Variants in KIAA1328 observed in about 807,000 individuals in gnomAD.
KIAA1328 encodes the protein protein hinderin.
KIAA1328 carries 52 observed loss-of-function variants against 68.1 expected under a neutral mutation model. The observed-to-expected ratio is 0.76, with a 90% confidence interval of 0.61 to 0.96. The LOEUF is 0.96. Among genes scored for constraint, KIAA1328 ranks in the 40% least tolerant of loss-of-function variants. The probability of loss-of-function intolerance (pLI) is 0.00; values close to 1 mark genes in which losing one functional copy is unlikely to be tolerated. For missense variants in KIAA1328, 641 were observed against 677.6 expected, an observed-to-expected ratio of 0.95 and a Z score of 0.60; for synonymous variants, 232 against 239.4, an observed-to-expected ratio of 0.97 and a Z score of 0.28.
chr18:37,223,749 T>A lies in KIAA1328; in HGVS notation c.*1522T>A, dbSNP rs1488030215. ...AAAGCCTTGTTGAGCAGCCTCCTTATCCAGATAGATCCAAAGCTCATGTCT... is the reference window on the plus strand; with the variant it reads ...AAAGCCTTGTTGAGCAGCCTCCTTAACCAGATAGATCCAAAGCTCATGTCT... On this transcript the variant is annotated 3_prime_UTR_variant, in exon 10 of 10. Transcript: ENST00000280020. 2.0e-5 allele frequency: 20 copies of A among 985,288 alleles called. No homozygotes were observed. The highest frequency in any genetic ancestry group is 2.2e-5 in the Non-Finnish European group (18 of 829,934). The allele number at this position is 985,288 out of a possible 1,614,324, so 61.0% of individuals were successfully genotyped here. A position where few individuals can be genotyped will look rare whatever the true frequency, so the allele number is the denominator to read the frequency against.
downstream of KIAA1328, chr18:37,229,443 C>A: frequency 1.7e-6 from 1 of 594,398 alleles, no homozygotes; most frequent in Non-Finnish European, 2.5e-6. Flanking sequence ...TTTTTTGCAC[C>A]AATAATGAAA....
intron 4 of KIAA1328, among the ~76,000 whole-genome samples, chr18:36,872,063 A>G (rs1251137034): frequency 2.6e-5 from 4 of 152,168 alleles, no homozygotes; most frequent in African/African-American, 7.2e-5. Flanking sequence ...CTTCTCCTCT[A>G]TCTTCCCTGT....
chr18:37,174,586 TTTTATTTTA>T (rs2059564674), intron 9 of KIAA1328, among the ~76,000 whole-genome samples: 2 of 149,204 alleles, frequency 1.3e-5, no homozygotes, highest in South Asian at 2.1e-4. Flanking sequence ...TTTATTTTTA[TTTTATTTTA>T]TTTTATTTTA....
At chr18:36,845,529 A>G (rs1053688010) in intron 4 of KIAA1328, among the ~76,000 whole-genome samples, 12 of 151,792 alleles carry the variant, frequency 7.9e-5, no homozygotes, top group African/African-American at 2.4e-4. Flanking sequence ...TACCTGAAAT[A>G]TTAGAGCATT....
chr18:37,096,172 A>T (rs545502297), intron 7 of KIAA1328, among the ~76,000 whole-genome samples: 10 of 152,056 alleles, frequency 6.6e-5, no homozygotes, highest in African/African-American at 2.4e-4. Context: ...GGTGTGCTGC[A>T]CCCATTAACT....
chr18:37,053,031 C>T (rs1401477968), intron 6 of KIAA1328, among the ~76,000 whole-genome samples: 1 of 152,076 alleles, frequency 6.6e-6, no homozygotes, highest in Non-Finnish European at 1.5e-5. Flanking sequence ...GTGCAAATAG[C>T]CAAAGCAGTC....
In KIAA1328 at chr18:37,056,900, C is replaced by T. The variant is rs201055761; in HGVS notation, c.577-9990C>T. ...TTAAGTGATCCACCCACCTTGGCCT[C>T]CCAAAGTACTGGGATTACAGGCATG... is the stretch of plus-strand genomic sequence containing the variant. On this transcript the variant is annotated intron_variant, in intron 6 of 9. Coordinates refer to ENST00000280020, the MANE Select transcript of KIAA1328 (RefSeq NM_020776.3). Among the ~76,000 whole-genome samples the T allele has an allele frequency of 2.6e-5, 4 of 152,160 alleles. No homozygotes were observed. In the East Asian group the frequency reaches 7.7e-4, roughly 29 times the overall value.
At chr18:37,202,151 C>A (rs2154219459) in intron 9 of KIAA1328, among the ~76,000 whole-genome samples, 1 of 150,796 alleles carries the variant, frequency 6.6e-6, no homozygotes, top group African/African-American at 2.5e-5. Flanking sequence ...TTTTTTTTAA[C>A]AAAAGCATAC....
chr18:36,985,638 A>G (rs1309514901), intron 6 of KIAA1328, among the ~76,000 whole-genome samples: 3 of 152,220 alleles, frequency 2.0e-5, no homozygotes, highest in Admixed American at 1.3e-4. Flanking sequence ...CCTTATGGAT[A>G]TGTCACAATT....
chr18:36,833,353 C>T (rs1486691157), intron 1 of KIAA1328: 1 of 152,012 alleles, frequency 6.6e-6, no homozygotes, highest in Non-Finnish European at 1.5e-5. Flanking sequence ...AAAGAGCTTC[C>T]TGGGTAGAAG....
chr18:36,829,247 G>A (rs756229842), intron 1 of KIAA1328, 51 bp downstream of exon 1: 1 of 1,469,774 alleles, frequency 6.8e-7, no homozygotes, highest in Non-Finnish European at 9.0e-7. Flanking sequence ...ACGGGACGGC[G>A]AGGGGCGAGC....
intron 7 of KIAA1328, among the ~76,000 whole-genome samples, chr18:37,138,819 AC>A (rs2058700822): frequency 6.6e-6 from 1 of 152,140 alleles, no homozygotes; most frequent in Admixed American, 6.5e-5. Context: ...TGAATACAGA[AC>A]CGACACATAG....
rs553763587 is a variant in KIAA1328, at chr18:36,975,209, G to A, written c.576+15774G>A. On this transcript the variant is annotated intron_variant, in intron 6 of 9. Coordinates refer to ENST00000280020, the MANE Select transcript of KIAA1328 (RefSeq NM_020776.3). The stretch of plus-strand genomic sequence containing the variant: ...TTTTTTTTTTTTTTTTTGAGACGGA[G>A]TCTCGCTCTGTCGCCCAGTCTGGAG... Among the ~76,000 whole-genome samples the A allele has an allele frequency of 9.6e-4, 132 of 137,042 alleles. 2 individuals carry two copies. In the South Asian group the frequency reaches 0.03, roughly 31 times the overall value. 89.9% of individuals were successfully genotyped at this position (137,042 alleles called of 152,430 possible).
At chr18:36,872,889 G>A (rs2047994733) in intron 4 of KIAA1328, among the ~76,000 whole-genome samples, 1 of 152,184 alleles carries the variant, frequency 6.6e-6, no homozygotes, top group Non-Finnish European at 1.5e-5. Flanking sequence ...ACCCCGGTAA[G>A]CTTCCTGGAG....
At chr18:37,229,749 G>A (rs1616736), downstream of KIAA1328, 10,952 of 280,670 alleles carry the variant, frequency 0.039, 1,171 homozygotes, top group African/African-American at 0.23. Flanking sequence ...ACCTGAGCGT[G>A]GTGGCACGCA....
chr18:36,987,758 A>T (rs895949929), intron 6 of KIAA1328, among the ~76,000 whole-genome samples: 12 of 151,692 alleles, frequency 7.9e-5, no homozygotes, highest in Non-Finnish European at 1.6e-4. Flanking sequence ...ATATGGCAAA[A>T]CTTACCCACT....
intron 8 of KIAA1328, among the ~76,000 whole-genome samples, chr18:37,167,465 T>G (rs371240515): frequency 1.1e-3 from 160 of 152,164 alleles, no homozygotes; most frequent in African/African-American, 3.8e-3. Flanking sequence ...AGAAGGGGGA[T>G]GGAGTGGGAA....
intron 9 of KIAA1328, among the ~76,000 whole-genome samples, chr18:37,219,664 A>G (rs1447374409): frequency 6.6e-6 from 1 of 152,126 alleles, no homozygotes; most frequent in Non-Finnish European, 1.5e-5. Context: ...CTGGTGTGCC[A>G]TTTGCTAAGA....
chr18:37,068,395 A>G (rs1599144619), intron 7 of KIAA1328, among the ~76,000 whole-genome samples: 5 of 152,356 alleles, frequency 3.3e-5, no homozygotes, highest in Admixed American at 3.3e-4. Flanking sequence ...TCTTCCCTTA[A>G]CAATTCTTCC....
Sources: allele counts gnomAD v4.1 joint callset (sites outside exome capture counted in the v4.1 genomes callset), GRCh38; gene constraint gnomAD v4.1.1; transcripts MANE v1.5; gene names NCBI Gene and HGNC (gene_info 2026-07-23, HGNC 2026-07-21).